The following CACNA2D1 variants were observed in gnomAD, a reference collection of about 807,000 sequenced individuals.
CACNA2D1 encodes calcium voltage-gated channel auxiliary subunit alpha2delta 1.
CACNA2D1 carries 53 observed loss-of-function variants against 171.5 expected under a neutral mutation model. The ratio of observed to expected loss-of-function variants is 0.31; its 90% confidence interval spans 0.25 to 0.39. The LOEUF (loss-of-function observed/expected upper bound fraction) is 0.39, where lower values mean the gene tolerates loss of function less well. Ranked by LOEUF, CACNA2D1 falls within the 10% of genes least tolerant of loss-of-function variation. The probability of loss-of-function intolerance (pLI) is 1.00; values close to 1 mark genes in which losing one functional copy is unlikely to be tolerated. For missense variants in CACNA2D1, 903 were observed against 1,299.8 expected (o/e 0.69, Z 4.69); for synonymous variants, 442 against 443.1 (o/e 1.00, Z 0.03).
intron 10 of CACNA2D1, among the ~76,000 whole-genome samples, chr7:82,044,728 C>G (rs139243517): frequency 6.6e-6 from 1 of 152,218 alleles, no homozygotes; most frequent in Non-Finnish European, 1.5e-5. Context: ...TGACCAGAGG[C>G]TGTGCGCTCC....
intron 25 of CACNA2D1, 78 bp downstream of exon 25, chr7:81,974,377 T>A: frequency 1.4e-6 from 1 of 731,672 alleles, no homozygotes; most frequent in South Asian, 1.6e-5. Flanking sequence ...TAAAGTAATA[T>A]GATTATCGTA....
intron 2 of CACNA2D1, among the ~76,000 whole-genome samples, chr7:82,336,956 T>C (rs1210486154): frequency 6.6e-6 from 1 of 152,182 alleles, no homozygotes; most frequent in Non-Finnish European, 1.5e-5. Context: ...TTAGTTCAGA[T>C]GTGCAATCTA....
At chr7:82,238,123 G>A (rs2129289950) in intron 3 of CACNA2D1, among the ~76,000 whole-genome samples, 1 of 152,044 alleles carries the variant, frequency 6.6e-6, no homozygotes, top group South Asian at 2.1e-4. Flanking sequence ...TTGTCACACA[G>A]AAAATCACAC....
At chr7:82,005,303 T>C (rs1799008241) in intron 18 of CACNA2D1, 120 bp downstream of exon 18, 1 of 714,416 alleles carries the variant, frequency 1.4e-6, no homozygotes, top group Non-Finnish European at 2.5e-6. Context: ...GAGAGACGCA[T>C]TAGAGACTGT....
chr7:82,330,454 A>G (rs1377703390), intron 3 of CACNA2D1, among the ~76,000 whole-genome samples: 1 of 152,128 alleles, frequency 6.6e-6, no homozygotes, highest in Non-Finnish European at 1.5e-5. Flanking sequence ...ATTATCAAAG[A>G]CTGTTAAGTA....
At chr7:82,258,820 T>C (rs1806663755) in intron 3 of CACNA2D1, among the ~76,000 whole-genome samples, 1 of 109,376 alleles carries the variant, frequency 9.1e-6, no homozygotes, top group South Asian at 3.0e-4. Context: ...TACTTTTCTT[T>C]TTTTTTTTTT....
intron 10 of CACNA2D1, among the ~76,000 whole-genome samples, chr7:82,053,902 C>A: frequency 6.6e-6 from 1 of 152,132 alleles, no homozygotes; most frequent in East Asian, 1.9e-4. Flanking sequence ...TCAAACCACA[C>A]CAAATGAGTA....
intron 3 of CACNA2D1, among the ~76,000 whole-genome samples, chr7:82,263,822 G>C (rs1807456261): frequency 6.6e-6 from 1 of 152,036 alleles, no homozygotes; most frequent in Non-Finnish European, 1.5e-5. Context: ...AATCTACATG[G>C]GTATGGCAAA....
chr7:82,302,908 A>AC (rs1184182064), intron 3 of CACNA2D1, among the ~76,000 whole-genome samples: 1 of 152,218 alleles, frequency 6.6e-6, no homozygotes, highest in African/African-American at 2.4e-5. Context: ...ACCGTTAAAA[A>AC]CCATGTCACA....
rs2130638045 is a variant in CACNA2D1 at position 81,982,630 on chromosome 7, G to A, written c.1895-3C>T. 1.3e-6 allele frequency: 2 copies of A among 1,575,002 alleles called. No homozygotes were observed. Among genetic ancestry groups the A allele is most frequent in the Admixed American group, 1.7e-5 (1 of 59,924 alleles). On this transcript the variant is annotated splice_polypyrimidine_tract_variant and splice_region_variant and intron_variant, in intron 23 of 38. Transcript: ENST00000356860. Reference sequence around the variant, plus strand: ...ATCTGGCTTCAGGGTTTCCGAATCTGCAAAGATAATGTTACAGGATTAGAT... The same window carrying A: ...ATCTGGCTTCAGGGTTTCCGAATCTACAAAGATAATGTTACAGGATTAGAT...
intron 6 of CACNA2D1, among the ~76,000 whole-genome samples, chr7:82,099,510 C>T (rs1812399522): frequency 2.2e-5 from 1 of 45,752 alleles, no homozygotes; most frequent in South Asian, 7.3e-4. Context: ...AGTGCAGCGG[C>T]GGGATCTCGG....
chr7:82,139,604 G>C (rs258711), intron 4 of CACNA2D1, among the ~76,000 whole-genome samples: 16,112 of 152,104 alleles, frequency 0.11, 1,070 homozygotes, highest in Middle Eastern at 0.24. Context: ...TCAAAGTTCA[G>C]TTAAGTGTTA....
chr7:82,087,682 A>G (rs1810638515), intron 6 of CACNA2D1, among the ~76,000 whole-genome samples: 1 of 152,056 alleles, frequency 6.6e-6, no homozygotes, highest in Non-Finnish European at 1.5e-5. Flanking sequence ...TATGCATTAT[A>G]TTTGACTAAT....
At chr7:82,383,993 A>G (rs933505652) in intron 1 of CACNA2D1, among the ~76,000 whole-genome samples, 82 of 152,356 alleles carry the variant, frequency 5.4e-4, no homozygotes, top group African/African-American at 1.8e-3. Flanking sequence ...ATGTGAGTCT[A>G]TATGAGGTAC....
chr7:82,096,702 CCAAA>C (rs58199402), intron 6 of CACNA2D1, among the ~76,000 whole-genome samples: 5 of 149,382 alleles, frequency 3.3e-5, no homozygotes, highest in Non-Finnish European at 5.9e-5. Flanking sequence ...AACAAAACAT[CCAAA>C]CAGATACAGA....
At position 82,359,702 on chromosome 7, in the gene CACNA2D1, C is replaced by T. The variant is rs561800166; in HGVS notation, c.96-10053G>A. Among the ~76,000 whole-genome samples the T allele has an allele frequency of 2.6e-5, 4 of 152,226 alleles. No individual in the cohort carries two copies. The South Asian group carries it at 8.3e-4, about 32-fold the overall frequency. On this transcript the variant is annotated intron_variant, in intron 1 of 38. Coordinates refer to ENST00000356860, the MANE Select transcript of CACNA2D1 (RefSeq NM_000722.4). ...CTCTGAGTATCTAAAATATGTACAG[C>T]CTGTCCTACAAAATGTTACACATAC... is the stretch of plus-strand genomic sequence containing the variant.
intron 4 of CACNA2D1, among the ~76,000 whole-genome samples, chr7:82,153,048 T>C (rs1272971056): frequency 2.0e-5 from 3 of 150,504 alleles, no homozygotes; most frequent in Non-Finnish European, 4.4e-5. Context: ...GGCAGTAACA[T>C]TCAAAGTAGA....
At chr7:82,192,460 TTGTGTGTGTGTGTG>T (rs200160135) in intron 3 of CACNA2D1, among the ~76,000 whole-genome samples, 65,980 of 136,422 alleles carry the variant, frequency 0.48, 18,449 homozygotes, top group East Asian at 0.63. Flanking sequence ...GTGTTTGTGT[TTGTGTGTGTGTGTG>T]TGTGTGTGTG....
At chr7:82,111,286 G>A (rs1397114664) in intron 6 of CACNA2D1, among the ~76,000 whole-genome samples, 3 of 91,960 alleles carry the variant, frequency 3.3e-5, no homozygotes, top group East Asian at 2.8e-4. Flanking sequence ...ATATATATAT[G>A]TCTGGGTATA....
Sources: allele counts gnomAD v4.1 joint callset (sites outside exome capture counted in the v4.1 genomes callset), GRCh38; gene constraint gnomAD v4.1.1; transcripts MANE v1.5; gene names NCBI Gene and HGNC (gene_info 2026-07-23, HGNC 2026-07-21).